The following S100A14 variants were observed in gnomAD, a reference collection of about 807,000 sequenced individuals.
The protein encoded by S100A14 is S100 calcium binding protein A14, also known as protein S100-A14.
S100A14 carries 6 observed loss-of-function variants against 10.6 expected under a neutral mutation model. The observed-to-expected ratio is 0.57, with a 90% CI of 0.31 to 1.12. S100A14 has a LOEUF of 1.12. Ranked by LOEUF, S100A14 falls within the 50% of genes most tolerant of loss-of-function variation. S100A14 has a pLI of 0.06. For synonymous variants in S100A14, 51 were observed against 51.0 expected (o/e 1.00, Z 0.00); for missense variants, 121 against 128.7 (o/e 0.94, Z 0.29).
In S100A14 at chr1:153,615,027, G is replaced by GAT; in HGVS notation, c.178-6_178-5insAT. 27 of 1,613,432 alleles carry GAT rather than the reference G, an allele frequency of 1.7e-5. No individual in the cohort carries two copies. Among genetic ancestry groups the GAT allele is most frequent in the Middle Eastern group, 1.7e-4 (1 of 6,054 alleles). On this transcript the variant is annotated splice_polypyrimidine_tract_variant and splice_region_variant and intron_variant, in intron 3 of 3. Coordinates refer to ENST00000344616, the MANE Select transcript of S100A14 (RefSeq NM_020672.3). ...CTCTTCCAGGCCACAGTTGCTCTGA[G>GAT]GGGAGTGAAGAAACCATGGCTCAGG...
intron 2 of S100A14, 139 bp downstream of exon 2, chr1:153,615,690 G>A (rs1571273700): frequency 2.3e-6 from 2 of 863,630 alleles, no homozygotes; most frequent in Non-Finnish European, 3.8e-6. Context: ...GGCCTCAGAA[G>A]AGGGTTCACA....
At position 153,614,478 on chromosome 1, in the gene S100A14, G is replaced by A. The variant is rs1666913524; in HGVS notation, c.*407C>T. ...AGAGAGCACTGGACAGACAGCTATG[G>A]TTTGGATTGGGGAAGAGATTAGGAA... On this transcript the variant is annotated 3_prime_UTR_variant, in exon 4 of 4. Transcript: ENST00000344616. The A allele has an allele frequency of 5.8e-6, 1 of 170,988 alleles. No individual in the cohort carries two copies. Among genetic ancestry groups the A allele is most frequent in the Admixed American group, 5.5e-5 (1 of 18,180 alleles). 10.6% of individuals were successfully genotyped at this position (170,988 alleles called of 1,614,324 possible). A position where few individuals can be genotyped will look rare whatever the true frequency, so the allele number is the denominator to read the frequency against.
Position 153,614,723 on chromosome 1 carries a change from G to C in S100A14, c.*162C>G, listed in dbSNP as rs1226000057. The C allele has an allele frequency of 2.4e-6, 2 of 832,738 alleles. No homozygotes were observed. The highest frequency in any genetic ancestry group is 3.6e-6 in the Non-Finnish European group (2 of 554,772). The allele number at this position is 832,738 out of a possible 1,614,324, so 51.6% of individuals were successfully genotyped here. ...CTCCTCCACCCATGAGCTCCCCAGA[G>C]CATCCAAGACAGAGTGCACAGAGAC... On this transcript the variant is annotated 3_prime_UTR_variant, in exon 4 of 4. Coordinates refer to ENST00000344616, the MANE Select transcript of S100A14 (RefSeq NM_020672.3).
chr1:153,615,008 C>T lies in S100A14; in HGVS notation c.192G>A (p.Leu64=), dbSNP rs774395209. ...LPHLMPSNCG[L]EEKIANLGSC... is the part of the protein sequence containing the mutation. ...TGCCCAGGTTGGCAATTTTCTCTTC[C>T]AGGCCACAGTTGCTCTGAGGGGAGT... is the stretch of plus-strand genomic sequence containing the variant. Residue 64 remains leucine, a synonymous_variant, in exon 4 of 4, where the codon CTG becomes CTA. Coordinates refer to ENST00000344616, the MANE Select transcript of S100A14 (RefSeq NM_020672.3). The T allele has an allele frequency of 2.5e-6, 4 of 1,613,884 alleles. No individual in the cohort carries two copies. Among genetic ancestry groups the T allele is most frequent in the Non-Finnish European group, 3.4e-6 (4 of 1,179,944 alleles).
rs1008006357 is a variant in S100A14, at chr1:153,615,934, G to A, written c.-76C>T. On this transcript the variant is annotated splice_region_variant and 5_prime_UTR_variant, in exon 2 of 4. Transcript: ENST00000344616. The stretch of plus-strand genomic sequence containing the variant: ...GGCCCCAGAGGAGCTGATGGCTCAT[G>A]ATCTGCTTAGAGGAGGGGGTAGGCC... 19 of 1,454,538 alleles carry A rather than the reference G, an allele frequency of 1.3e-5. 1 individual carries two copies. Among genetic ancestry groups the A allele is most frequent in the Middle Eastern group, 1.7e-4 (1 of 5,790 alleles). The allele number at this position is 1,454,538 out of a possible 1,614,324, so 90.1% of individuals were successfully genotyped here. A position where few individuals can be genotyped will look rare whatever the true frequency, so the allele number is the denominator to read the frequency against.
Position 153,614,842 on chromosome 1 carries a change from A to G in S100A14, c.*43T>C. ...GGAGACAAGTTTTATCTCCAGGCCC[A>G]CAGTCTCTCCCCAACACCCCCCAAG... On this transcript the variant is annotated 3_prime_UTR_variant, in exon 4 of 4. Transcript: ENST00000344616. 5 of 1,600,162 alleles carry G rather than the reference A, an allele frequency of 3.1e-6. No individual in the cohort carries two copies. The highest frequency in any genetic ancestry group is 4.3e-6 in the Non-Finnish European group (5 of 1,173,268).
intron 1 of S100A14, 126 bp from the exon 2 acceptor site, chr1:153,616,062 G>T (rs1038172153): frequency 9.5e-6 from 5 of 526,750 alleles, no homozygotes; most frequent in African/African-American, 7.5e-5. Flanking sequence ...CACCACATAG[G>T]CCCAGGCCCC....
chr1:153,615,167 G>A (rs1014025112), intron 3 of S100A14, 68 bp downstream of exon 3: 22 of 1,596,732 alleles, frequency 1.4e-5, no homozygotes, highest in African/African-American at 2.7e-5. Context: ...GCCAGTGTGG[G>A]TGGGGTCCCG....
At chr1:153,616,067 G>T in intron 1 of S100A14, 131 bp from the exon 2 acceptor site, 1 of 515,872 alleles carries the variant, frequency 1.9e-6, no homozygotes, top group Middle Eastern at 4.9e-4. Context: ...CATAGGCCCA[G>T]GCCCCGCCTG....
intron 2 of S100A14, among the ~76,000 whole-genome samples, 183 bp downstream of exon 2, chr1:153,615,646 T>C (rs562517684): frequency 9.2e-5 from 14 of 152,224 alleles, no homozygotes; most frequent in African/African-American, 3.4e-4. Context: ...GGCATCCTCT[T>C]CCCAGGAGGA....
intron 1 of S100A14, 152 bp from the exon 2 acceptor site, chr1:153,616,088 G>A (rs1666958887): frequency 6.1e-6 from 3 of 491,722 alleles, no homozygotes; most frequent in Non-Finnish European, 1.1e-5. Context: ...GGCTTCAGGA[G>A]CCAAGGTCAT....
intron 3 of S100A14, 84 bp downstream of exon 3, chr1:153,615,151 G>A: frequency 6.3e-7 from 1 of 1,588,282 alleles, no homozygotes; most frequent in Non-Finnish European, 8.6e-7. Flanking sequence ...GCTGGGGGTT[G>A]CAAGTGCCAG....
At chr1:153,615,054 A>G in intron 3 of S100A14, 32 bp from the exon 4 acceptor site, 7 of 1,609,784 alleles carry the variant, frequency 4.3e-6, no homozygotes, top group Middle Eastern at 1.7e-4. Context: ...TGGCTCAGGG[A>G]TGCAGCACCT....
chr1:153,616,201 C>G (rs1666962261), intron 1 of S100A14, 94 bp downstream of exon 1: 2 of 258,986 alleles, frequency 7.7e-6, no homozygotes, highest in South Asian at 1.5e-4. Flanking sequence ...ACACACACAC[C>G]AACCTCCAGG....
In S100A14 at chr1:153,614,742, C is replaced by T. The variant is rs2101520830; in HGVS notation, c.*143G>A. The T allele has an allele frequency of 2.0e-6, 2 of 1,017,780 alleles. No individual in the cohort carries two copies. Among genetic ancestry groups the T allele is most frequent in the Non-Finnish European group, 2.8e-6 (2 of 710,110 alleles). The allele number at this position is 1,017,780 out of a possible 1,614,324, so 63.0% of individuals were successfully genotyped here. On this transcript the variant is annotated 3_prime_UTR_variant, in exon 4 of 4. Transcript: ENST00000344616. ...CCCAGAGCATCCAAGACAGAGTGCA[C>T]AGAGACCTGGGGAAGGAAGCTGAAC...
chr1:153,614,778 T>C lies in S100A14; in HGVS notation c.*107A>G. On this transcript the variant is annotated 3_prime_UTR_variant, in exon 4 of 4. Transcript: ENST00000344616. The stretch of plus-strand genomic sequence containing the variant: ...GGAAGGAAGCTGAACTTTGCAGAGA[T>C]GAGGACAGGTGCAGGCTAGGGTACA... 5 of 1,349,774 alleles carry C rather than the reference T, an allele frequency of 3.7e-6. No individual in the cohort carries two copies. Among genetic ancestry groups the C allele is most frequent in the Non-Finnish European group, 5.1e-6 (5 of 985,124 alleles). The allele number at this position is 1,349,774 out of a possible 1,614,324, so 83.6% of individuals were successfully genotyped here.
Position 153,614,877 on chromosome 1 carries a change from G to A in S100A14, c.*8C>T. ...CCCAACACCCCCCAAGAATTCCAGAGGGAGTTCTCAGTGCCCCCGGACAGG... is the reference window on the plus strand; with the variant it reads ...CCCAACACCCCCCAAGAATTCCAGAAGGAGTTCTCAGTGCCCCCGGACAGG... On this transcript the variant is annotated 3_prime_UTR_variant, in exon 4 of 4. Coordinates refer to ENST00000344616, the MANE Select transcript of S100A14 (RefSeq NM_020672.3). The A allele has an allele frequency of 6.2e-7, 1 of 1,612,288 alleles. No individual in the cohort carries two copies. Among genetic ancestry groups the A allele is most frequent in the Non-Finnish European group, 8.5e-7 (1 of 1,179,344 alleles).
rs941048571 is a variant in S100A14 at position 153,615,953 on chromosome 1, G to A, written c.-78-17C>T. On this transcript the variant is annotated splice_polypyrimidine_tract_variant and intron_variant, in intron 1 of 3. Transcript: ENST00000344616. ...GCTCATGATCTGCTTAGAGGAGGGG[G>A]TAGGCCTGAGCTGAGGAGAGAGTCT... 1 of 1,248,734 alleles carries A rather than the reference G, an allele frequency of 8.0e-7. No individual in the cohort carries two copies. The highest frequency in any genetic ancestry group is 1.2e-5 in the South Asian group (1 of 82,830). The allele number at this position is 1,248,734 out of a possible 1,614,324, so 77.4% of individuals were successfully genotyped here. A position where few individuals can be genotyped will look rare whatever the true frequency, so the allele number is the denominator to read the frequency against.
chr1:153,615,063 CT>C, intron 3 of S100A14, 41 bp from the exon 4 acceptor site: 6 of 1,605,404 alleles, frequency 3.7e-6, no homozygotes, highest in Middle Eastern at 1.7e-4. Flanking sequence ...GATGCAGCAC[CT>C]TCCAATCTTC....
Sources: gnomAD v4.1 joint callset for allele counts (sites outside exome capture counted in the v4.1 genomes callset) on GRCh38, gnomAD v4.1.1 for gene constraint, MANE v1.5 for transcripts, NCBI Gene and HGNC (gene_info 2026-07-23, HGNC 2026-07-21) for gene names.